Variants in FBXL7 observed in about 807,000 individuals in gnomAD.
The protein encoded by FBXL7 is F-box/LRR-repeat protein 7.
In FBXL7, 12 loss-of-function variants were observed where a neutral mutation model predicts 38.3. The observed-to-expected ratio is 0.31, with a 90% CI of 0.20 to 0.51. The LOEUF is 0.51. FBXL7 is among the 20% of genes least tolerant of loss of function. The probability of loss-of-function intolerance (pLI) is 0.98; values close to 1 mark genes in which losing one functional copy is unlikely to be tolerated. For synonymous variants in FBXL7, 297 were observed against 300.9 expected (o/e 0.99, Z 0.13); for missense variants, 567 against 676.4 (o/e 0.84, Z 1.79).
intron 2 of FBXL7, among the ~76,000 whole-genome samples, chr5:15,870,026 C>T (rs577171299): frequency 3.2e-4 from 49 of 152,106 alleles, no homozygotes; most frequent in Non-Finnish European, 5.9e-4. Flanking sequence ...GGAAGGATCA[C>T]TTAAACCCAG....
intron 3 of FBXL7, among the ~76,000 whole-genome samples, chr5:15,934,999 G>A (rs1326691372): frequency 1.3e-5 from 2 of 152,186 alleles, no homozygotes; most frequent in African/African-American, 4.8e-5. Flanking sequence ...GTTTATACAA[G>A]CATGGTTGGG....
intron 2 of FBXL7, among the ~76,000 whole-genome samples, chr5:15,643,759 A>G (rs1262478154): frequency 6.6e-6 from 1 of 152,166 alleles, no homozygotes; most frequent in African/African-American, 2.4e-5. Context: ...AGCTAATGGA[A>G]AGTGCTTTGG....
At chr5:15,718,122 T>C (rs992664189) in intron 2 of FBXL7, among the ~76,000 whole-genome samples, 10 of 152,164 alleles carry the variant, frequency 6.6e-5, no homozygotes, top group Non-Finnish European at 1.5e-4. Flanking sequence ...TAATTCAGAA[T>C]AGGAAAATGT....
At chr5:15,922,768 G>A (rs1741776729) in intron 2 of FBXL7, among the ~76,000 whole-genome samples, 1 of 152,136 alleles carries the variant, frequency 6.6e-6, no homozygotes, top group Admixed American at 6.6e-5. Context: ...GGAAGATGTA[G>A]TCTAAACAGC....
At chr5:15,651,182 C>A (rs1741698434) in intron 2 of FBXL7, among the ~76,000 whole-genome samples, 1 of 151,100 alleles carries the variant, frequency 6.6e-6, no homozygotes. Context: ...CTGCAACTTC[C>A]ACCTCATGGG....
chr5:15,509,601 C>G (rs1167274311), intron 1 of FBXL7, among the ~76,000 whole-genome samples: 2 of 152,152 alleles, frequency 1.3e-5, no homozygotes, highest in African/African-American at 4.8e-5. Context: ...AACAAAACCC[C>G]AAAACCAACA....
At chr5:15,694,858 T>C (rs1459649671) in intron 2 of FBXL7, among the ~76,000 whole-genome samples, 1 of 152,168 alleles carries the variant, frequency 6.6e-6, no homozygotes, top group Non-Finnish European at 1.5e-5. Flanking sequence ...ATGGTAAAAC[T>C]AACCCTGTTC....
intron 2 of FBXL7, among the ~76,000 whole-genome samples, chr5:15,767,439 T>C (rs1429782392): frequency 6.6e-6 from 1 of 152,134 alleles, no homozygotes; most frequent in Non-Finnish European, 1.5e-5. Flanking sequence ...GTCTTTGCGG[T>C]GTGAGGAAGG....
intron 2 of FBXL7, among the ~76,000 whole-genome samples, chr5:15,701,569 G>T (rs548757833): frequency 4.6e-5 from 7 of 151,984 alleles, no homozygotes; most frequent in Non-Finnish European, 1.0e-4. Flanking sequence ...ATATAATGGG[G>T]ATTAAATACC....
intron 2 of FBXL7, among the ~76,000 whole-genome samples, chr5:15,644,729 T>A (rs1045317098): frequency 6.6e-6 from 1 of 152,164 alleles, no homozygotes; most frequent in African/African-American, 2.4e-5. Context: ...ATGCTATCAT[T>A]GAGGCGCTCC....
intron 1 of FBXL7, among the ~76,000 whole-genome samples, chr5:15,503,216 T>G (rs1389478675): frequency 6.6e-6 from 1 of 151,340 alleles, no homozygotes; most frequent in African/African-American, 2.4e-5. Flanking sequence ...AGGTCAGGAG[T>G]TCAAGACCAG....
At chr5:15,590,254 C>G (rs1739429873) in intron 1 of FBXL7, among the ~76,000 whole-genome samples, 1 of 152,128 alleles carries the variant, frequency 6.6e-6, no homozygotes, top group African/African-American at 2.4e-5. Flanking sequence ...CCTTGTGTTT[C>G]TACTGGATTT....
At chr5:15,670,608 C>T (rs1272987070) in intron 2 of FBXL7, among the ~76,000 whole-genome samples, 1 of 152,126 alleles carries the variant, frequency 6.6e-6, no homozygotes, top group Non-Finnish European at 1.5e-5. Flanking sequence ...CGAGACCAGC[C>T]TGGCCAACAT....
intron 2 of FBXL7, among the ~76,000 whole-genome samples, chr5:15,892,046 T>G (rs1740924524): frequency 6.6e-6 from 1 of 152,324 alleles, no homozygotes; most frequent in East Asian, 1.9e-4. Flanking sequence ...CTCCTGCCAG[T>G]GCTCCTGGGA....
At chr5:15,740,474 C>G (rs1735867251) in intron 2 of FBXL7, among the ~76,000 whole-genome samples, 1 of 152,158 alleles carries the variant, frequency 6.6e-6, no homozygotes, top group Admixed American at 6.5e-5. Context: ...CACTGCTCCC[C>G]CATTCAGGCA....
chr5:15,917,644 G>A (rs865976540), intron 2 of FBXL7, among the ~76,000 whole-genome samples: 2 of 90,946 alleles, frequency 2.2e-5, no homozygotes, highest in African/African-American at 4.1e-5. Flanking sequence ...AAGGAAGGGA[G>A]GGAAGGAAGG....
At chr5:15,703,651 G>A (rs1743595879) in intron 2 of FBXL7, among the ~76,000 whole-genome samples, 1 of 152,092 alleles carries the variant, frequency 6.6e-6, no homozygotes, top group Non-Finnish European at 1.5e-5. Context: ...ATGTGTCCTA[G>A]GAATTTCATG....
intron 2 of FBXL7, among the ~76,000 whole-genome samples, chr5:15,875,789 T>G (rs1740176403): frequency 1.3e-5 from 2 of 152,142 alleles, no homozygotes; most frequent in Non-Finnish European, 2.9e-5. Flanking sequence ...TAAGAAAGCT[T>G]TTACACTGAC....
chr5:15,904,630 A>G (rs749103907), intron 2 of FBXL7, among the ~76,000 whole-genome samples: 1 of 152,126 alleles, frequency 6.6e-6, no homozygotes, highest in Non-Finnish European at 1.5e-5. Flanking sequence ...TATGTATTTG[A>G]TATCTTGCAC....
Sources: allele counts gnomAD v4.1 joint callset (sites outside exome capture counted in the v4.1 genomes callset), GRCh38; gene constraint gnomAD v4.1.1; transcripts MANE v1.5; gene names NCBI Gene and HGNC (gene_info 2026-07-23, HGNC 2026-07-21).